Variants in PIK3CG observed in about 807,000 individuals in gnomAD.
PIK3CG encodes the protein phosphatidylinositol 4,5-bisphosphate 3-kinase catalytic subunit gamma isoform.
Under a neutral mutation model 102.3 loss-of-function variants are expected in PIK3CG, and 55 were observed. The observed-to-expected ratio is 0.54, with a 90% confidence interval of 0.43 to 0.67. The LOEUF (loss-of-function observed/expected upper bound fraction) is 0.67. PIK3CG is among the 30% of genes least tolerant of loss of function. The pLI, the probability that PIK3CG is intolerant of heterozygous loss-of-function variation, is 0.00. For missense variants in PIK3CG, 1,258 were observed against 1,391.8 expected (o/e 0.90, Z 1.53); for synonymous variants, 552 against 540.0 (o/e 1.02, Z -0.31).
Position 106,894,766 on chromosome 7 carries a change from T to A in PIK3CG, c.3030+8474T>A, listed in dbSNP as rs566387513. On this transcript the variant is annotated intron_variant, in intron 10 of 10. Transcript: ENST00000496166. The surrounding 1 kb of genome is among the most constrained non-coding windows in gnomAD (Gnocchi z 4.4). Reference sequence around the variant, plus strand: ...TAGATGAAAATGGAGGATTTTGATGTTAAGTATTTCATGTGACCTCAGACA... The same window carrying A: ...TAGATGAAAATGGAGGATTTTGATGATAAGTATTTCATGTGACCTCAGACA... Among the ~76,000 whole-genome samples the A allele has an allele frequency of 6.6e-6, 1 of 152,234 alleles. No homozygotes were observed. The highest frequency in any genetic ancestry group is 2.1e-4 in the South Asian group (1 of 4,834).
chr7:106,878,460 G>T (rs772269404), intron 5 of PIK3CG, among the ~76,000 whole-genome samples: 4 of 152,014 alleles, frequency 2.6e-5, no homozygotes, highest in Admixed American at 6.6e-5. Flanking sequence ...TCCTCTCTGA[G>T]ACTTCAGTTA....
chr7:106,879,609 A>G lies in PIK3CG; in HGVS notation c.2482A>G (p.Ile828Val). Residue 828 changes from isoleucine to valine, a missense_variant, in exon 6 of 11, where the codon ATT becomes GTT. This residue lies in a region of PIK3CG where 426 missense variants were observed against 604.2 expected (regional missense o/e 0.71). Transcript: ENST00000496166. This position sits in a 1 kb window ranked among gnomAD's most constrained non-coding sequence, Gnocchi z 4.9. ...TCCTACAGCCCTATCAAATGAAACA[A>G]TTGGAATTATCTTTAAACATGGTGA... ...ADPTALSNET[I>V]GIIFKHGDDL... 1.2e-6 allele frequency: 2 copies of G among 1,613,160 alleles called. No individual in the cohort carries two copies. Among genetic ancestry groups the G allele is most frequent in the Non-Finnish European group, 8.5e-7 (1 of 1,179,092 alleles).
intron 6 of PIK3CG, 27 bp from the exon 7 acceptor site, chr7:106,882,090 T>C (rs1316942672): frequency 2.7e-6 from 3 of 1,128,860 alleles, no homozygotes; most frequent in Non-Finnish European, 3.7e-6. Flanking sequence ...ATATATAATA[T>C]AAACATTTCT....
rs1302254487 is a variant in PIK3CG at position 106,905,679 on chromosome 7, A to C, written c.*292A>C. ...ACTAATGACTTCCTTATTGTCCCTG[A>C]TATTTTGACTATCTTACTATTGAGT... On this transcript the variant is annotated 3_prime_UTR_variant, in exon 11 of 11. Transcript: ENST00000496166. The surrounding 1 kb of genome is among the most constrained non-coding windows in gnomAD (Gnocchi z 5.6). The C allele has an allele frequency of 3.3e-5, 12 of 361,044 alleles. No homozygotes were observed. The highest frequency in any genetic ancestry group is 6.0e-5 in the Non-Finnish European group (12 of 200,792). 22.4% of individuals were successfully genotyped at this position (361,044 alleles called of 1,614,324 possible).
At chr7:106,866,924 C>T (rs1240423024) in intron 1 of PIK3CG, among the ~76,000 whole-genome samples, 2 of 152,152 alleles carry the variant, frequency 1.3e-5, no homozygotes, top group African/African-American at 2.4e-5. Flanking sequence ...AAACAGGCAA[C>T]GTGAAGCAAG....
In PIK3CG at chr7:106,906,928, T is replaced by C. The variant is rs1791698991; in HGVS notation, c.*1541T>C. On this transcript the variant is annotated 3_prime_UTR_variant, in exon 11 of 11. Transcript: ENST00000496166. ...GGGACACTTTTTAAAAACACTCTTA[T>C]CAGCCTGGGCAACACAGTGAGACTC... 4.5e-6 allele frequency: 1 copy of C among 223,138 alleles called. No homozygotes were observed. Among genetic ancestry groups the C allele is most frequent in the African/African-American group, 2.3e-5 (1 of 44,440 alleles). The allele number at this position is 223,138 out of a possible 1,614,324, so 13.8% of individuals were successfully genotyped here. A position where few individuals can be genotyped will look rare whatever the true frequency, so the allele number is the denominator to read the frequency against.
At chr7:106,900,202 C>G (rs988371270) in intron 10 of PIK3CG, among the ~76,000 whole-genome samples, 1 of 151,800 alleles carries the variant, frequency 6.6e-6, no homozygotes, top group Non-Finnish European at 1.5e-5. Context: ...ACATTCCCTT[C>G]TTCATTTTTA....
Position 106,868,926 on chromosome 7 carries a change from G to A in PIK3CG, c.1365G>A (p.Lys455=), listed in dbSNP as rs2116453435. 1 of 1,614,168 alleles carries A rather than the reference G, an allele frequency of 6.2e-7. No homozygotes were observed. The highest frequency in any genetic ancestry group is 8.5e-7 in the Non-Finnish European group (1 of 1,180,032). Residue 455 remains lysine, a synonymous_variant, in exon 2 of 11, where the codon AAG becomes AAA. Coordinates refer to ENST00000496166, the MANE Select transcript of PIK3CG (RefSeq NM_001282426.2). This position sits in a 1 kb window ranked among gnomAD's most constrained non-coding sequence, Gnocchi z 6.2. Reference sequence around the variant, plus strand: ...CAGAGTCCCCCAGTTCTGAGTCCAAGGGCAAAGTTCAGCTTCTCTATTATG... The same window carrying A: ...CAGAGTCCCCCAGTTCTGAGTCCAAAGGCAAAGTTCAGCTTCTCTATTATG... ...ASAESPSSES[K]GKVQLLYYVN...
chr7:106,870,563 A>G (rs1790499775), intron 2 of PIK3CG, among the ~76,000 whole-genome samples: 1 of 152,222 alleles, frequency 6.6e-6, no homozygotes, highest in South Asian at 2.1e-4. Context: ...TTTAGGGAAA[A>G]CTATACCGTA....
intron 5 of PIK3CG, among the ~76,000 whole-genome samples, chr7:106,875,087 A>G (rs1790680276): frequency 6.6e-6 from 1 of 152,190 alleles, no homozygotes; most frequent in South Asian, 2.1e-4. Context: ...GCGGTAGCTC[A>G]CGCCTGTAAT....
rs1300200375 is a variant in PIK3CG at position 106,899,805 on chromosome 7, T to C, written c.3031-5304T>C. 6.6e-6 allele frequency among the ~76,000 whole-genome samples: 1 copy of C among 152,190 alleles called. No individual in the cohort carries two copies. Among genetic ancestry groups the C allele is most frequent in the African/African-American group, 2.4e-5 (1 of 41,440 alleles). ...TTGTATTGATGTTCACCAAGGATATTGGCCTGAAGTTTTCTTTTTTGTGTG... is the reference window on the plus strand; with the variant it reads ...TTGTATTGATGTTCACCAAGGATATCGGCCTGAAGTTTTCTTTTTTGTGTG... On this transcript the variant is annotated intron_variant, in intron 10 of 10. Coordinates refer to ENST00000496166, the MANE Select transcript of PIK3CG (RefSeq NM_001282426.2). This position sits in a 1 kb window ranked among gnomAD's most constrained non-coding sequence, Gnocchi z 4.6.
At position 106,890,683 on chromosome 7, in the gene PIK3CG, T is replaced by C. The variant is rs987612265; in HGVS notation, c.3030+4391T>C. Among the ~76,000 whole-genome samples the C allele has an allele frequency of 6.6e-6, 1 of 152,276 alleles. No individual in the cohort carries two copies. The highest frequency in any genetic ancestry group is 1.5e-5 in the Non-Finnish European group (1 of 68,042). ...AACTGAACTTAAGAAATAGATATGTTCGTCTCTTCAAATTGAGTAAGGCTG... is the reference window on the plus strand; with the variant it reads ...AACTGAACTTAAGAAATAGATATGTCCGTCTCTTCAAATTGAGTAAGGCTG... On this transcript the variant is annotated intron_variant, in intron 10 of 10. Transcript: ENST00000496166. This position sits in a 1 kb window ranked among gnomAD's most constrained non-coding sequence, Gnocchi z 4.2.
rs1791376021 is a variant in PIK3CG, at chr7:106,895,225, G to A, written c.3030+8933G>A. 6.6e-6 allele frequency among the ~76,000 whole-genome samples: 1 copy of A among 152,208 alleles called. No individual in the cohort carries two copies. The highest frequency in any genetic ancestry group is 2.1e-4 in the South Asian group (1 of 4,830). ...AATAATACAAATCCTTCAACAGTCA[G>A]TTGAGAAGGAGAGAATGAGGATGTT... On this transcript the variant is annotated intron_variant, in intron 10 of 10. Coordinates refer to ENST00000496166, the MANE Select transcript of PIK3CG (RefSeq NM_001282426.2). This position sits in a 1 kb window ranked among gnomAD's most constrained non-coding sequence, Gnocchi z 5.4.
Position 106,867,639 on chromosome 7 carries a change from C to G in PIK3CG, c.78C>G (p.Arg26=), listed in dbSNP as rs758833293. The change falls in exon 2 of 11, where the codon CGC becomes CGG. Residue 26 remains arginine (R), a synonymous_variant. Coordinates refer to ENST00000496166, the MANE Select transcript of PIK3CG (RefSeq NM_001282426.2). The surrounding 1 kb of genome is among the most constrained non-coding windows in gnomAD (Gnocchi z 5.1). ...NCRRRRRMKP[R]SAAASLSSME... is the part of the protein sequence containing the mutation. ...GAAGGCGCCGGAGGATGAAGCCGCG[C>G]AGTGCTGCGGCCAGCCTGTCCTCCA... 1.9e-6 allele frequency: 3 copies of G among 1,613,020 alleles called. No homozygotes were observed.
In PIK3CG at chr7:106,903,892, G is replaced by A. The variant is rs537174132; in HGVS notation, c.3031-1217G>A. On this transcript the variant is annotated intron_variant, in intron 10 of 10. Coordinates refer to ENST00000496166, the MANE Select transcript of PIK3CG (RefSeq NM_001282426.2). The surrounding 1 kb of genome is among the most constrained non-coding windows in gnomAD (Gnocchi z 4.3). Reference sequence around the variant, plus strand: ...TCTTGCCTCAGCCTCCTGAGTAACTGGGATTACAGACACATGCCACCACAC... The same window carrying A: ...TCTTGCCTCAGCCTCCTGAGTAACTAGGATTACAGACACATGCCACCACAC... 6.6e-6 allele frequency among the ~76,000 whole-genome samples: 1 copy of A among 151,970 alleles called. No homozygotes were observed. The highest frequency in any genetic ancestry group is 2.1e-4 in the South Asian group (1 of 4,820).
At position 106,894,389 on chromosome 7, in the gene PIK3CG, C is replaced by G. The variant is rs62482166; in HGVS notation, c.3030+8097C>G. Among the ~76,000 whole-genome samples the G allele has an allele frequency of 6.6e-6, 1 of 152,162 alleles. No individual in the cohort carries two copies. The highest frequency in any genetic ancestry group is 2.4e-5 in the African/African-American group (1 of 41,452). On this transcript the variant is annotated intron_variant, in intron 10 of 10. Transcript: ENST00000496166. This position sits in a 1 kb window ranked among gnomAD's most constrained non-coding sequence, Gnocchi z 4.4. ...GAGAAGATGACAGTACAGCCCTTCTCCTGGTAAACAGAGCTAGTCTGAGAA... is the reference window on the plus strand; with the variant it reads ...GAGAAGATGACAGTACAGCCCTTCTGCTGGTAAACAGAGCTAGTCTGAGAA...
In PIK3CG at chr7:106,894,115, C is replaced by T. The variant is rs970416818; in HGVS notation, c.3030+7823C>T. Among the ~76,000 whole-genome samples, 31 of 152,116 alleles carry T rather than the reference C, an allele frequency of 2.0e-4. No homozygotes were observed. The highest frequency in any genetic ancestry group is 7.0e-4 in the African/African-American group (29 of 41,414). On this transcript the variant is annotated intron_variant, in intron 10 of 10. Transcript: ENST00000496166. This position sits in a 1 kb window ranked among gnomAD's most constrained non-coding sequence, Gnocchi z 4.4. ...TTGTGATGTACAGTTTTAAATTAGC[C>T]TCCTTCCCCAACCCATTGTGGATTG...
At position 106,869,146 on chromosome 7, in the gene PIK3CG, C is replaced by T. The variant is rs1449605501; in HGVS notation, c.1585C>T (p.Leu529=). ...LLDNYCHPIA[L]PKHQPTPDPE... is the part of the protein sequence containing the mutation. ...GGACAATTACTGCCACCCGATAGCC[C>T]TGCCTAAGCATCAGCCCACCCCTGA... The change falls in exon 2 of 11, where the codon CTG becomes TTG. Residue 529 remains leucine (L), a synonymous_variant. Coordinates refer to ENST00000496166, the MANE Select transcript of PIK3CG (RefSeq NM_001282426.2). The surrounding 1 kb of genome is among the most constrained non-coding windows in gnomAD (Gnocchi z 5.3). 6 of 1,614,100 alleles carry T rather than the reference C, an allele frequency of 3.7e-6. No individual in the cohort carries two copies. Among genetic ancestry groups the T allele is most frequent in the East Asian group, 2.2e-5 (1 of 44,888 alleles).
chr7:106,896,153 A>G (rs1252518567), intron 10 of PIK3CG, among the ~76,000 whole-genome samples: 2 of 152,232 alleles, frequency 1.3e-5, no homozygotes, highest in East Asian at 1.9e-4. Flanking sequence ...CGAGAAAAGC[A>G]GGACAGTTAT....
Sources: allele counts gnomAD v4.1 joint callset (sites outside exome capture counted in the v4.1 genomes callset), GRCh38; gene constraint gnomAD v4.1.1; regional missense constraint gnomAD v4.1.1; non-coding constraint Gnocchi (gnomAD v3.1); transcripts MANE v1.5; gene names NCBI Gene and HGNC (gene_info 2026-07-23, HGNC 2026-07-21).